TSGA10: variants seen among roughly 807,000 people sequenced by gnomAD.
TSGA10 encodes testis-specific gene 10 protein.
Under a neutral mutation model 96.6 loss-of-function variants are expected in TSGA10, and 43 were observed. The ratio of observed to expected loss-of-function variants is 0.44; its 90% CI spans 0.35 to 0.57. The LOEUF (loss-of-function observed/expected upper bound fraction) is 0.57, where lower values mean the gene tolerates loss of function less well. TSGA10 is among the 20% of genes least tolerant of loss of function. The pLI is 0.01. For missense variants in TSGA10, 703 were observed against 834.4 expected (o/e 0.84, Z 1.94); for synonymous variants, 229 against 269.9 (o/e 0.85, Z 1.48).
chr2:99,153,483 A>C (rs2093713660), intron 1 of TSGA10, among the ~76,000 whole-genome samples: 2 of 152,310 alleles, frequency 1.3e-5, no homozygotes, highest in East Asian at 1.9e-4. Context: ...AAGTAGGTAA[A>C]GGTAAGAATA....
chr2:99,148,738 AG>A (rs2093657656), intron 1 of TSGA10, among the ~76,000 whole-genome samples: 1 of 152,126 alleles, frequency 6.6e-6, no homozygotes, highest in Admixed American at 6.5e-5. Flanking sequence ...TTGGGAGCTG[AG>A]GTGGGTGGAT....
chr2:99,065,235 G>T, intron 15 of TSGA10, 111 bp from the exon 16 acceptor site: 5 of 1,140,724 alleles, frequency 4.4e-6, no homozygotes, highest in Non-Finnish European at 6.2e-6. Context: ...GTTTATAATA[G>T]AACCCTGAGG....
chr2:99,101,949 C>A, intron 10 of TSGA10: 1 of 741,280 alleles, frequency 1.3e-6, no homozygotes, highest in Non-Finnish European at 2.3e-6. Context: ...ACGAAAAACT[C>A]TAGAGATCTG....
intron 10 of TSGA10, among the ~76,000 whole-genome samples, chr2:99,099,934 A>G (rs1390437844): frequency 6.6e-6 from 1 of 152,212 alleles, no homozygotes; most frequent in East Asian, 1.9e-4. Context: ...AAAAACAGTT[A>G]AAATCATCTC....
intron 20 of TSGA10, 122 bp from the exon 21 acceptor site, chr2:98,998,343 A>G (rs1331658100): frequency 2.7e-6 from 2 of 751,218 alleles, no homozygotes; most frequent in Non-Finnish European, 4.3e-6. Context: ...CATTTCTATG[A>G]AGGAAAACAA....
chr2:99,090,206 G>C (rs1012684037), intron 10 of TSGA10, among the ~76,000 whole-genome samples: 5 of 152,118 alleles, frequency 3.3e-5, no homozygotes, highest in African/African-American at 1.2e-4. Context: ...ATCCCTCTAG[G>C]AAGAGAGAGA....
At chr2:99,007,202 T>C (rs2078572964) in intron 20 of TSGA10, among the ~76,000 whole-genome samples, 4 of 152,154 alleles carry the variant, frequency 2.6e-5, no homozygotes, top group Admixed American at 2.0e-4. Context: ...AATGACGAGT[T>C]AATGGGTGCA....
At chr2:99,126,138 T>C (rs1243931971) in intron 2 of TSGA10, 1 of 152,352 alleles carries the variant, frequency 6.6e-6, no homozygotes, top group Admixed American at 6.6e-5. Context: ...GGCACAAGTG[T>C]GTAGGTGAGG....
intron 1 of TSGA10, chr2:99,150,871 G>T (rs1234859315): frequency 7.2e-7 from 1 of 1,390,166 alleles, no homozygotes; most frequent in Non-Finnish European, 9.9e-7. Context: ...ACCAAAAACT[G>T]CCTTTGACTA....
intron 10 of TSGA10, among the ~76,000 whole-genome samples, chr2:99,094,832 A>G (rs867272303): frequency 1.3e-5 from 2 of 152,356 alleles, no homozygotes; most frequent in Middle Eastern, 3.4e-3. Context: ...ACCACTATGG[A>G]AAACAGTGTG....
chr2:99,061,004 A>C (rs2084632145), intron 16 of TSGA10, among the ~76,000 whole-genome samples: 1 of 152,216 alleles, frequency 6.6e-6, no homozygotes, highest in Non-Finnish European at 1.5e-5. Context: ...TGGTGCATGC[A>C]AAGATTTATC....
At position 99,127,116 on chromosome 2, in the gene TSGA10, G is replaced by C. The variant is rs761830312; in HGVS notation, c.-560C>G. The C allele has an allele frequency of 2.5e-5, 32 of 1,289,218 alleles. No individual in the cohort carries two copies. Among genetic ancestry groups the C allele is most frequent in the Non-Finnish European group, 2.0e-6 (2 of 988,678 alleles). 79.9% of individuals were successfully genotyped at this position (1,289,218 alleles called of 1,614,324 possible). A position where few individuals can be genotyped will look rare whatever the true frequency, so the allele number is the denominator to read the frequency against. On this transcript the variant is annotated 5_prime_UTR_variant, in exon 2 of 21. Transcript: ENST00000393483. ...TCTTGTTCTAGCTGGAGAGTATTCT[G>C]GTAGTTTTCAGCTTCAGAAACTGGA...
chr2:99,101,154 G>A (rs1250971378), intron 10 of TSGA10, among the ~76,000 whole-genome samples: 1 of 132,698 alleles, frequency 7.5e-6, no homozygotes, highest in East Asian at 2.6e-4. Flanking sequence ...TAAGGCAGGA[G>A]AATGGCGTGA....
At chr2:99,095,101 C>T (rs532134428) in intron 10 of TSGA10, among the ~76,000 whole-genome samples, 11 of 152,196 alleles carry the variant, frequency 7.2e-5, no homozygotes, top group Admixed American at 5.2e-4. Flanking sequence ...TTCGCAGCAA[C>T]CTGGATGGAA....
chr2:99,085,528 G>A (rs2088174911), intron 10 of TSGA10, among the ~76,000 whole-genome samples: 1 of 146,154 alleles, frequency 6.8e-6, no homozygotes, highest in Middle Eastern at 3.6e-3. Flanking sequence ...AGAATCACTT[G>A]TGCCTGAGAG....
chr2:99,098,648 G>C (rs2090366744), intron 10 of TSGA10, among the ~76,000 whole-genome samples: 1 of 151,698 alleles, frequency 6.6e-6, no homozygotes, highest in Non-Finnish European at 1.5e-5. Context: ...TTGGTCTTTG[G>C]AAAAAACTAA....
At chr2:99,102,342 A>G (rs878978924) in intron 10 of TSGA10, 4 of 1,612,162 alleles carry the variant, frequency 2.5e-6, no homozygotes, top group Non-Finnish European at 1.7e-6. Context: ...GAGGGGTTCT[A>G]GCTCACAAAG....
At chr2:99,012,733 G>A (rs977501586) in intron 20 of TSGA10, among the ~76,000 whole-genome samples, 2 of 152,074 alleles carry the variant, frequency 1.3e-5, no homozygotes, top group Non-Finnish European at 2.9e-5. Context: ...AATAATAGTG[G>A]GAGACTTCAA....
intron 17 of TSGA10, among the ~76,000 whole-genome samples, chr2:99,020,767 A>G (rs9308816): frequency 0.35 from 53,278 of 151,454 alleles, 10,700 homozygotes; most frequent in African/African-American, 0.56. Context: ...ATATTTCTTT[A>G]TATACTCCTG....
Sources: gnomAD v4.1 joint callset for allele counts (sites outside exome capture counted in the v4.1 genomes callset) on GRCh38, gnomAD v4.1.1 for gene constraint, MANE v1.5 for transcripts, NCBI Gene and HGNC (gene_info 2026-07-23, HGNC 2026-07-21) for gene names.